The following NELL2 variants were observed in gnomAD, a reference collection of about 807,000 sequenced individuals.
The protein encoded by NELL2 is protein kinase C-binding protein NELL2.
Under a neutral mutation model 109.6 loss-of-function variants are expected in NELL2, and 41 were observed. That is an observed-to-expected ratio of 0.37 (90% confidence interval 0.29 to 0.49). The LOEUF is 0.49. Ranked by LOEUF, NELL2 falls within the 20% of genes least tolerant of loss-of-function variation. The pLI, the probability that NELL2 is intolerant of heterozygous loss-of-function variation, is 0.98. For synonymous variants in NELL2, 355 were observed against 344.7 expected (o/e 1.03, Z -0.33); for missense variants, 900 against 1,008.3 (o/e 0.89, Z 1.45).
At chr12:44,890,290 C>T (rs1432885905) in intron 1 of NELL2, among the ~76,000 whole-genome samples, 2 of 152,168 alleles carry the variant, frequency 1.3e-5, no homozygotes, top group Non-Finnish European at 2.9e-5. Context: ...CCTATACAGG[C>T]TGACTCTTAG....
chr12:44,581,663 A>C (rs145447179), intron 15 of NELL2, among the ~76,000 whole-genome samples: 2 of 44,574 alleles, frequency 4.5e-5, no homozygotes, highest in African/African-American at 1.5e-4. Flanking sequence ...GAAAAAATTC[A>C]GTTTGTTTTG....
intron 15 of NELL2, among the ~76,000 whole-genome samples, chr12:44,534,005 CA>C (rs1224248599): frequency 6.6e-6 from 1 of 152,124 alleles, no homozygotes; most frequent in East Asian, 1.9e-4. Context: ...TGACATCCTT[CA>C]AGTTGAAGGT....
chr12:44,807,551 T>C (rs1185926496), intron 3 of NELL2, among the ~76,000 whole-genome samples: 1 of 151,670 alleles, frequency 6.6e-6, no homozygotes, highest in African/African-American at 2.4e-5. Context: ...AAAGGGAAAA[T>C]AATAAAGTCA....
chr12:44,894,073 A>C (rs1448168960), intron 1 of NELL2, among the ~76,000 whole-genome samples: 1 of 152,250 alleles, frequency 6.6e-6, no homozygotes, highest in African/African-American at 2.4e-5. Flanking sequence ...ACATTGTTCA[A>C]TGAAAGTTTG....
intron 12 of NELL2, among the ~76,000 whole-genome samples, chr12:44,690,894 C>T (rs532462068): frequency 1.3e-4 from 20 of 152,264 alleles, no homozygotes; most frequent in African/African-American, 4.8e-4. Context: ...GAAAAAAGTG[C>T]TTGTTCCTAG....
chr12:44,860,837 C>T (rs1037107941), intron 2 of NELL2, among the ~76,000 whole-genome samples: 3 of 152,202 alleles, frequency 2.0e-5, no homozygotes, highest in African/African-American at 7.2e-5. Context: ...CAGCCTACCA[C>T]AGTCTTTCTC....
At chr12:44,591,381 C>T (rs1183742106) in intron 15 of NELL2, among the ~76,000 whole-genome samples, 1 of 152,016 alleles carries the variant, frequency 6.6e-6, no homozygotes, top group Non-Finnish European at 1.5e-5. Context: ...AACCTAGGTG[C>T]CCAACAACAG....
chr12:44,530,085 C>T (rs1037483700), intron 16 of NELL2, among the ~76,000 whole-genome samples: 7 of 151,956 alleles, frequency 4.6e-5, no homozygotes, highest in African/African-American at 1.7e-4. Context: ...GGATGAGATG[C>T]AAGATACAAT....
chr12:44,634,089 A>G (rs1421622544), intron 13 of NELL2, among the ~76,000 whole-genome samples: 1 of 152,162 alleles, frequency 6.6e-6, no homozygotes, highest in Non-Finnish European at 1.5e-5. Flanking sequence ...AATGTACATG[A>G]AATAACCTGA....
chr12:44,763,316 C>T (rs572343195), intron 9 of NELL2, among the ~76,000 whole-genome samples: 4 of 152,128 alleles, frequency 2.6e-5, no homozygotes, highest in South Asian at 2.1e-4. Context: ...ATTGCTTTGC[C>T]GTAAAAGGTC....
chr12:44,642,788 A>G (rs1946909966), intron 13 of NELL2, among the ~76,000 whole-genome samples: 1 of 152,194 alleles, frequency 6.6e-6, no homozygotes, highest in African/African-American at 2.4e-5. Flanking sequence ...AGGCTGAGGC[A>G]GGAGAACCAC....
chr12:44,669,732 A>G (rs900601683), intron 12 of NELL2, among the ~76,000 whole-genome samples: 9 of 152,198 alleles, frequency 5.9e-5, no homozygotes, highest in African/African-American at 2.2e-4. Context: ...TAAGAAGAAT[A>G]AAATGAAATG....
intron 15 of NELL2, among the ~76,000 whole-genome samples, 154 bp downstream of exon 15, chr12:44,607,015 C>T (rs948122013): frequency 6.6e-6 from 1 of 152,254 alleles, no homozygotes; most frequent in Admixed American, 6.5e-5. Flanking sequence ...AAATGCATCA[C>T]TGAAACTTCC....
intron 15 of NELL2, among the ~76,000 whole-genome samples, chr12:44,581,181 C>T (rs1170628615): frequency 6.6e-6 from 1 of 151,958 alleles, no homozygotes; most frequent in African/African-American, 2.4e-5. Flanking sequence ...TACTTAAAGC[C>T]ATCAGTTTTT....
chr12:44,670,837 A>G (rs1948114740), intron 12 of NELL2, among the ~76,000 whole-genome samples: 1 of 152,160 alleles, frequency 6.6e-6, no homozygotes, highest in Admixed American at 6.5e-5. Context: ...AGAGACCCCA[A>G]TATAACAATA....
chr12:44,531,947 A>C (rs1942081281), intron 16 of NELL2, among the ~76,000 whole-genome samples: 1 of 152,124 alleles, frequency 6.6e-6, no homozygotes, highest in African/African-American at 2.4e-5. Flanking sequence ...ATGCCCCTTA[A>C]ATAGAGGCTA....
intron 13 of NELL2, among the ~76,000 whole-genome samples, chr12:44,662,569 A>T (rs530642222): frequency 4.3e-4 from 65 of 152,338 alleles, no homozygotes; most frequent in African/African-American, 1.5e-3. Context: ...AAATTTTATG[A>T]ACATGAGGAA....
At chr12:44,557,377 A>G (rs914972727) in intron 15 of NELL2, among the ~76,000 whole-genome samples, 1 of 152,196 alleles carries the variant, frequency 6.6e-6, no homozygotes, top group Non-Finnish European at 1.5e-5. Flanking sequence ...TTAAGGGTAG[A>G]GACGGGGCAG....
At chr12:44,817,641 T>C (rs772580431) in intron 2 of NELL2, among the ~76,000 whole-genome samples, 1 of 152,150 alleles carries the variant, frequency 6.6e-6, no homozygotes, top group Non-Finnish European at 1.5e-5. Context: ...CGAAAGGGCA[T>C]CACATAGTGC....
Sources: gnomAD v4.1 joint callset for allele counts (sites outside exome capture counted in the v4.1 genomes callset) on GRCh38, gnomAD v4.1.1 for gene constraint, MANE v1.5 for transcripts, NCBI Gene and HGNC (gene_info 2026-07-23, HGNC 2026-07-21) for gene names.